Variants in ASTN2 observed in about 807,000 individuals in gnomAD.
ASTN2 encodes astrotactin 2.
Under a neutral mutation model 139.8 loss-of-function variants are expected in ASTN2, and 54 were observed. The ratio of observed to expected loss-of-function variants is 0.39; its 90% CI spans 0.31 to 0.48. ASTN2 has a LOEUF of 0.48. Among genes scored for constraint, ASTN2 ranks in the 20% least tolerant of loss-of-function variants. The pLI is 0.95. For missense variants in ASTN2, 1,565 were observed against 1,725.1 expected (o/e 0.91, Z 1.64); for synonymous variants, 756 against 719.5 (o/e 1.05, Z -0.81).
intron 3 of ASTN2, among the ~76,000 whole-genome samples, chr9:117,149,183 C>T (rs1192481570): frequency 6.6e-6 from 1 of 151,862 alleles, no homozygotes; most frequent in Non-Finnish European, 1.5e-5. Context: ...CCATGTCCGG[C>T]TAATTTTTGT....
chr9:116,722,849 G>A (rs1236391357), intron 16 of ASTN2, among the ~76,000 whole-genome samples: 3 of 152,092 alleles, frequency 2.0e-5, no homozygotes, highest in East Asian at 3.9e-4. Context: ...TTTATCTAGT[G>A]ACATCTGTAA....
Position 117,074,583 on chromosome 9 carries a change from A to C in ASTN2, c.1276+21461T>G, listed in dbSNP as rs572761953. 2.6e-5 allele frequency among the ~76,000 whole-genome samples: 4 copies of C among 152,252 alleles called. No individual in the cohort carries two copies. The East Asian group carries it at 7.7e-4, about 29-fold the overall frequency. ...AAAGGCTAGAGAGGTGGATTTGGCT[A>C]ATATTAACAGCAGGCAGGATGCGCT... On this transcript the variant is annotated intron_variant, in intron 5 of 22. Transcript: ENST00000313400.
chr9:117,318,431 G>T (rs1587942575), intron 1 of ASTN2, among the ~76,000 whole-genome samples: 1 of 152,142 alleles, frequency 6.6e-6, no homozygotes, highest in African/African-American at 2.4e-5. Context: ...CAAATTCTGT[G>T]GGGTTCCCAT....
At chr9:116,689,032 G>A (rs1162953957) in intron 16 of ASTN2, among the ~76,000 whole-genome samples, 1 of 152,070 alleles carries the variant, frequency 6.6e-6, no homozygotes, top group Non-Finnish European at 1.5e-5. Context: ...GGATACTACT[G>A]GCCTCAAGTG....
At chr9:116,503,499 A>G (rs1849976977) in intron 19 of ASTN2, among the ~76,000 whole-genome samples, 1 of 152,180 alleles carries the variant, frequency 6.6e-6, no homozygotes. Flanking sequence ...AATGAAAACT[A>G]TAAAAGCGTT....
intron 2 of ASTN2, among the ~76,000 whole-genome samples, chr9:117,218,515 G>A (rs931365102): frequency 5.3e-5 from 8 of 152,148 alleles, no homozygotes; most frequent in Non-Finnish European, 7.4e-5. Context: ...AAGAACTCAG[G>A]AGGCATCATC....
At chr9:116,665,979 T>C (rs1382685545) in intron 16 of ASTN2, among the ~76,000 whole-genome samples, 1 of 152,216 alleles carries the variant, frequency 6.6e-6, no homozygotes, top group Non-Finnish European at 1.5e-5. Context: ...TGCTTTGAAC[T>C]GGATTTCAGG....
intron 10 of ASTN2, among the ~76,000 whole-genome samples, chr9:116,939,343 T>C (rs1009845577): frequency 3.9e-5 from 6 of 152,130 alleles, no homozygotes; most frequent in African/African-American, 7.2e-5. Flanking sequence ...AATAAAATTA[T>C]TGTTTTATTA....
intron 13 of ASTN2, among the ~76,000 whole-genome samples, chr9:116,743,411 C>T (rs1319312269): frequency 3.3e-5 from 5 of 152,226 alleles, no homozygotes; most frequent in South Asian, 2.1e-4. Flanking sequence ...ATTAGCCAGG[C>T]GTGGTGGCGG....
At chr9:117,172,485 T>C (rs918470755) in intron 3 of ASTN2, among the ~76,000 whole-genome samples, 1 of 152,164 alleles carries the variant, frequency 6.6e-6, no homozygotes, top group Admixed American at 6.5e-5. Flanking sequence ...TATACTTTAT[T>C]GAGTGTTACC....
At chr9:116,896,929 G>A (rs757779024) in intron 10 of ASTN2, among the ~76,000 whole-genome samples, 6 of 152,174 alleles carry the variant, frequency 3.9e-5, no homozygotes, top group Non-Finnish European at 7.3e-5. Flanking sequence ...AACCATATCA[G>A]TGTGTTAATG....
At chr9:116,979,362 G>C (rs1454950362) in intron 7 of ASTN2, among the ~76,000 whole-genome samples, 5 of 152,230 alleles carry the variant, frequency 3.3e-5, no homozygotes, top group Admixed American at 2.6e-4. Context: ...AATGCTCTCT[G>C]TACTCCTTCC....
chr9:116,629,627 T>C (rs1047455513), intron 17 of ASTN2, among the ~76,000 whole-genome samples: 13 of 152,130 alleles, frequency 8.5e-5, no homozygotes, highest in African/African-American at 1.7e-4. Flanking sequence ...AAGGACCCAA[T>C]TCCTATATAA....
At chr9:116,707,201 C>G (rs1183230952) in intron 16 of ASTN2, among the ~76,000 whole-genome samples, 2 of 141,128 alleles carry the variant, frequency 1.4e-5, no homozygotes, top group African/African-American at 5.2e-5. Flanking sequence ...GTGCACACTC[C>G]CAAAAGCAGA....
chr9:116,968,043 A>C (rs533958180), intron 10 of ASTN2, among the ~76,000 whole-genome samples: 2 of 152,372 alleles, frequency 1.3e-5, no homozygotes, highest in East Asian at 3.9e-4. Flanking sequence ...AATATCAGTT[A>C]CATGTAATAT....
chr9:117,100,718 C>T (rs768434097), intron 4 of ASTN2, among the ~76,000 whole-genome samples: 2 of 152,194 alleles, frequency 1.3e-5, no homozygotes, highest in African/African-American at 2.4e-5. Context: ...ACGACCTCCA[C>T]TAAAATGTTC....
At chr9:116,694,294 C>T (rs951511103) in intron 16 of ASTN2, among the ~76,000 whole-genome samples, 1 of 152,110 alleles carries the variant, frequency 6.6e-6, no homozygotes, top group Admixed American at 6.5e-5. Flanking sequence ...CTGATCTGCA[C>T]TGCCAGCTCT....
At chr9:116,773,823 T>C (rs553891490) in intron 13 of ASTN2, among the ~76,000 whole-genome samples, 30 of 152,220 alleles carry the variant, frequency 2.0e-4, no homozygotes, top group Non-Finnish European at 3.8e-4. Context: ...GTAAAGACTT[T>C]TTTTTCCCTC....
intron 11 of ASTN2, among the ~76,000 whole-genome samples, chr9:116,835,097 C>T (rs1425933325): frequency 6.6e-6 from 1 of 152,084 alleles, no homozygotes; most frequent in African/African-American, 2.4e-5. Flanking sequence ...TTAATGTGAC[C>T]TGAACATTTC....
Sources: allele counts gnomAD v4.1 joint callset (sites outside exome capture counted in the v4.1 genomes callset), GRCh38; gene constraint gnomAD v4.1.1; transcripts MANE v1.5; gene names NCBI Gene and HGNC (gene_info 2026-07-23, HGNC 2026-07-21).